The following CALN1 variants were observed in gnomAD, a reference collection of about 807,000 sequenced individuals.
CALN1 encodes the protein calneuron 1, also known as calcium-binding protein 8.
Under a neutral mutation model 30.6 loss-of-function variants are expected in CALN1, and 17 were observed. That is an observed-to-expected ratio of 0.56 (90% CI 0.38 to 0.83). The LOEUF (loss-of-function observed/expected upper bound fraction) is 0.83, where lower values mean the gene tolerates loss of function less well. CALN1 is among the 40% of genes least tolerant of loss of function. The pLI is 0.00. For synonymous variants in CALN1, 156 were observed against 131.4 expected, an observed-to-expected ratio of 1.19 and a Z score of -1.28; for missense variants, 291 against 354.9, an observed-to-expected ratio of 0.82 and a Z score of 1.45.
chr7:71,907,965 G>C (rs1372629656), intron 5 of CALN1, among the ~76,000 whole-genome samples: 1 of 152,234 alleles, frequency 6.6e-6, no homozygotes, highest in Non-Finnish European at 1.5e-5. Flanking sequence ...CGTGGACATG[G>C]GGGCAACGTT....
chr7:72,035,581 T>C (rs1801747334), intron 4 of CALN1, among the ~76,000 whole-genome samples: 2 of 152,232 alleles, frequency 1.3e-5, no homozygotes. Context: ...TAGTGAAATA[T>C]TTAAATTCCT....
intron 6 of CALN1, among the ~76,000 whole-genome samples, chr7:71,788,815 G>A (rs1486420794): frequency 1.3e-5 from 2 of 151,882 alleles, no homozygotes; most frequent in African/African-American, 2.4e-5. Flanking sequence ...CCGCCACCAT[G>A]CCCGGCTAAT....
intron 3 of CALN1, among the ~76,000 whole-genome samples, chr7:72,254,550 G>C (rs563169579): frequency 6.6e-6 from 1 of 152,216 alleles, no homozygotes; most frequent in East Asian, 1.9e-4. Flanking sequence ...TACTGTGAGA[G>C]GGCAATGCTT....
intron 5 of CALN1, among the ~76,000 whole-genome samples, chr7:71,971,953 AAAAGAAAGAAAG>A (rs61083921): frequency 0.17 from 12,563 of 72,064 alleles, 1,025 homozygotes; most frequent in Middle Eastern, 0.24. Flanking sequence ...AAAAAAAAAA[AAAAGAAAGAAAG>A]AAAGAAAGAA....
intron 2 of CALN1, among the ~76,000 whole-genome samples, chr7:72,306,817 C>T (rs1406482638): frequency 2.0e-5 from 3 of 152,256 alleles, no homozygotes; most frequent in Non-Finnish European, 4.4e-5. Context: ...CCACCGTGGG[C>T]ACCTGGTTCT....
chr7:72,113,944 G>A (rs1807756138), intron 3 of CALN1, among the ~76,000 whole-genome samples: 1 of 152,082 alleles, frequency 6.6e-6, no homozygotes, highest in African/African-American at 2.4e-5. Context: ...AGTCTAAGGG[G>A]AAGATGAGGA....
intron 4 of CALN1, among the ~76,000 whole-genome samples, chr7:72,073,211 AGACAGAAAGTGTCTATGGTT>A (rs1413191860): frequency 3.3e-5 from 5 of 152,238 alleles, no homozygotes; most frequent in African/African-American, 7.2e-5. Context: ...AAATGCATAG[AGACAGAAAGTGTCTATGGTT>A]GACAGGAACT....
At chr7:71,989,910 T>C (rs1584691971) in intron 5 of CALN1, among the ~76,000 whole-genome samples, 1 of 152,140 alleles carries the variant, frequency 6.6e-6, no homozygotes. Context: ...CAGAAGAAGA[T>C]ACTAGGAAAA....
At chr7:72,479,556 T>TC in the CALN1 span, among the ~76,000 whole-genome samples, 2 of 150,150 alleles carry the variant, frequency 1.3e-5, no homozygotes, top group Non-Finnish European at 3.0e-5. Context: ...AGCACAATTT[T>TC]TTTTTTTTTT....
chr7:72,261,746 G>A (rs1404971584), intron 3 of CALN1, among the ~76,000 whole-genome samples: 1 of 151,752 alleles, frequency 6.6e-6, no homozygotes, highest in Admixed American at 6.6e-5. Flanking sequence ...CAGCTTTACA[G>A]GAAAAAAACA....
chr7:72,203,414 T>C (rs1791583050), intron 3 of CALN1, among the ~76,000 whole-genome samples: 1 of 152,132 alleles, frequency 6.6e-6, no homozygotes, highest in Non-Finnish European at 1.5e-5. Context: ...GGTCATGCTA[T>C]TTGTGGGTTT....
rs904391300 is a variant in CALN1 at position 72,319,686 on chromosome 7, T to C, written c.120-40876A>G. Reference sequence around the variant, plus strand: ...TTTCCAAGCTATGCACAATATACTATGTTAACAAATACATATATTTTTTAA... The same window carrying C: ...TTTCCAAGCTATGCACAATATACTACGTTAACAAATACATATATTTTTTAA... On this transcript the variant is annotated intron_variant, in intron 2 of 6. Coordinates refer to ENST00000395275, the MANE Select transcript of CALN1 (RefSeq NM_031468.4). Among the ~76,000 whole-genome samples, 4 of 152,192 alleles carry C rather than the reference T, an allele frequency of 2.6e-5. No homozygotes were observed. The East Asian group carries it at 5.8e-4, about 22-fold the overall frequency.
intron 5 of CALN1, among the ~76,000 whole-genome samples, chr7:71,862,942 G>A (rs1473885436): frequency 6.6e-6 from 1 of 152,206 alleles, no homozygotes; most frequent in South Asian, 2.1e-4. Flanking sequence ...TGGCTTGAAT[G>A]AACTTCAATA....
intron 3 of CALN1, among the ~76,000 whole-genome samples, chr7:72,250,477 C>A (rs1189928144): frequency 6.6e-6 from 1 of 152,166 alleles, no homozygotes; most frequent in Non-Finnish European, 1.5e-5. Context: ...TAACCATTCA[C>A]ATGTGGTACA....
chr7:72,021,881 A>G (rs1315846131), intron 5 of CALN1, among the ~76,000 whole-genome samples: 1 of 152,116 alleles, frequency 6.6e-6, no homozygotes, highest in Non-Finnish European at 1.5e-5. Flanking sequence ...TTGAGGATTC[A>G]ACCCCACAAG....
intron 2 of CALN1, among the ~76,000 whole-genome samples, chr7:72,328,493 TC>T (rs1246268616): frequency 1.3e-5 from 2 of 152,200 alleles, no homozygotes; most frequent in Non-Finnish European, 2.9e-5. Context: ...CAAGCCTCTT[TC>T]CTTTATAAAT....
Position 72,297,481 on chromosome 7 carries a change from A to C in CALN1, c.120-18671T>G, listed in dbSNP as rs779608413. Among the ~76,000 whole-genome samples the C allele has an allele frequency of 1.3e-5, 2 of 152,248 alleles. 1 individual carries two copies. Among genetic ancestry groups the C allele is most frequent in the South Asian group, 4.1e-4 (2 of 4,834 alleles). On this transcript the variant is annotated intron_variant, in intron 2 of 6. Transcript: ENST00000395275. ...ATATGGGAATTCTACATGCAACTCC[A>C]GACTAATAAATTTTAAAACACTGGT... is the stretch of plus-strand genomic sequence containing the variant.
At chr7:72,420,031 A>G (rs912271173) in intron 1 of CALN1, among the ~76,000 whole-genome samples, 6 of 152,316 alleles carry the variant, frequency 3.9e-5, no homozygotes, top group African/African-American at 1.4e-4. Flanking sequence ...CAAAAAGGAC[A>G]GGTGCAGAAG....
intron 2 of CALN1, among the ~76,000 whole-genome samples, chr7:72,385,043 A>G (rs1585629252): frequency 6.6e-6 from 1 of 152,356 alleles, no homozygotes; most frequent in East Asian, 1.9e-4. Flanking sequence ...TGGCAAGTAA[A>G]CATATGAAAA....
Sources: gnomAD v4.1 joint callset for allele counts (sites outside exome capture counted in the v4.1 genomes callset) on GRCh38, gnomAD v4.1.1 for gene constraint, MANE v1.5 for transcripts, NCBI Gene and HGNC (gene_info 2026-07-23, HGNC 2026-07-21) for gene names.